CENPI: variants seen among roughly 807,000 people sequenced by gnomAD.
CENPI encodes centromere protein I.
In CENPI, 4 loss-of-function variants were observed where a neutral mutation model predicts 60.4. The observed-to-expected ratio is 0.07, with a 90% confidence interval of 0.03 to 0.15. The LOEUF is 0.15. Ranked by LOEUF, CENPI falls within the 10% of genes least tolerant of loss-of-function variation. CENPI has a pLI of 1.00. For missense variants in CENPI, 444 were observed against 534.5 expected (o/e 0.83, Z 1.67); for synonymous variants, 157 against 189.4 (o/e 0.83, Z 1.40).
In CENPI at chrX:101,128,761, C is replaced by T. The variant is rs1262734863; in HGVS notation, c.1120C>T (p.His374Tyr). ...GSVLNNSLLL[H>Y]YINCVRDEPV... ...AGTGCTAAACAACTCTCTGCTGCTT[C>T]ACTACATTAACTGTGTCAGAGATGA... The change falls in exon 12 of 22, where the codon CAC becomes TAC. Residue 374 changes from histidine (H) to tyrosine (Y), a missense_variant. Coordinates refer to ENST00000682095, the MANE Select transcript of CENPI (RefSeq NM_001386188.2). 1.7e-6 allele frequency: 2 copies of T among 1,208,135 alleles called. No individual in the cohort carries two copies. The highest frequency in any genetic ancestry group is 2.2e-6 in the Non-Finnish European group (2 of 892,219).
chrX:101,127,354 T>C (rs1465857908), intron 10 of CENPI, 88 bp downstream of exon 10: 16 of 983,386 alleles, frequency 1.6e-5, no homozygotes, highest in Non-Finnish European at 2.2e-5. Flanking sequence ...AGATTATAGA[T>C]ATTTAAGTAT....
At chrX:101,113,012 G>A (rs764491046) in intron 6 of CENPI, among the ~76,000 whole-genome samples, 1 of 106,739 alleles carries the variant, frequency 9.4e-6, no homozygotes, top group African/African-American at 3.4e-5. Flanking sequence ...TGGATTGACC[G>A]TAGTTTCTTT....
chrX:101,121,802 CT>C (rs746498873), intron 8 of CENPI, among the ~76,000 whole-genome samples: 8,194 of 79,393 alleles, frequency 0.1, 271 homozygotes, highest in Middle Eastern at 0.16. Context: ...TCTAGGAAAG[CT>C]TTTTTTTTTT....
chrX:101,111,650 C>T (rs1440614911), intron 6 of CENPI, among the ~76,000 whole-genome samples: 12 of 111,780 alleles, frequency 1.1e-4, no homozygotes, highest in Non-Finnish European at 1.7e-4. Context: ...CAAACAAAGT[C>T]CTCCTGCATG....
chrX:101,164,162 A>G lies in CENPI; in HGVS notation c.*1195A>G, dbSNP rs1351148920. 9.0e-6 allele frequency among the ~76,000 whole-genome samples: 1 copy of G among 111,290 alleles called. No homozygotes were observed. The highest frequency in any genetic ancestry group is 3.3e-5 in the African/African-American group (1 of 30,643). ...GGGGTTCTTTTTTTTCCCCATTTAA[A>G]AAACAAACCCTAAACTATATTATTG... On this transcript the variant is annotated 3_prime_UTR_variant, in exon 22 of 22. Transcript: ENST00000682095.
At position 101,146,139 on chromosome X, in the gene CENPI, A is replaced by G. The variant is rs2089959370; in HGVS notation, c.1702-14A>G. ...GAATACTCTGTATACTGATGTTATC[A>G]TTCTTCCTCCAAGGTGTGTGACATA... On this transcript the variant is annotated splice_polypyrimidine_tract_variant and intron_variant, in intron 17 of 21. Coordinates refer to ENST00000682095, the MANE Select transcript of CENPI (RefSeq NM_001386188.2). The G allele has an allele frequency of 8.4e-7, 1 of 1,195,280 alleles. No individual in the cohort carries two copies. The highest frequency in any genetic ancestry group is 1.7e-5 in the African/African-American group (1 of 57,371).
chrX:101,114,994 A>G (rs2089603169), intron 6 of CENPI, among the ~76,000 whole-genome samples: 1 of 107,341 alleles, frequency 9.3e-6, no homozygotes, highest in African/African-American at 3.4e-5. Context: ...ACAGAGTTTC[A>G]CTCTTGTCAC....
chrX:101,162,835 A>G lies in CENPI; in HGVS notation c.2139A>G (p.Gly713=). The change falls in exon 22 of 22, where the codon GGA becomes GGG. Residue 713 remains glycine (G), a splice_region_variant and synonymous_variant. Transcript: ENST00000682095. The part of the protein sequence containing the change: ...ERTVNVSSIR[G]KKWSWYLDYL... ...TTTTCCTTTTTCTGTGCCTGCAGGG[A>G]AAGAAATGGAGCTGGTATTTGGACT... is the stretch of plus-strand genomic sequence containing the variant. 3 of 1,210,531 alleles carry G rather than the reference A, an allele frequency of 2.5e-6. No homozygotes were observed. The highest frequency in any genetic ancestry group is 3.4e-6 in the Non-Finnish European group (3 of 894,681).
At position 101,165,837 on chromosome X, in the gene CENPI, T is replaced by C. The variant is rs1387802565; in HGVS notation, c.*2870T>C. Among the ~76,000 whole-genome samples the C allele has an allele frequency of 9.0e-6, 1 of 111,689 alleles. No individual in the cohort carries two copies. Among genetic ancestry groups the C allele is most frequent in the Non-Finnish European group, 1.9e-5 (1 of 53,163 alleles). ...AGGTAGTATTGAATGGTGTGAAATG[T>C]TACCTATATACCTGGAAAAAAGCAA... On this transcript the variant is annotated 3_prime_UTR_variant, in exon 22 of 22. Transcript: ENST00000682095.
Position 101,109,556 on chromosome X carries a change from T to C in CENPI, c.448T>C (p.Trp150Arg). 8.3e-7 allele frequency: 1 copy of C among 1,208,015 alleles called. No homozygotes were observed. Among genetic ancestry groups the C allele is most frequent in the Non-Finnish European group, 1.1e-6 (1 of 891,845 alleles). ...SEDSVVKAVS[W>R]LCVGKCSGST... The stretch of plus-strand genomic sequence containing the variant: ...AGATTCTGTGGTTAAGGCAGTCTCC[T>C]GGCTTTGTGTTGGCAAGTGTTCTGG... The change falls in exon 5 of 22, where the codon TGG (tryptophan) becomes CGG (arginine). Residue 150 changes from tryptophan to arginine, a missense_variant. Coordinates refer to ENST00000682095, the MANE Select transcript of CENPI (RefSeq NM_001386188.2).
In CENPI at chrX:101,104,962, A is replaced by C. The variant is rs185771882; in HGVS notation, c.364+2551A>C. ...ATTCCTTTGTTTATACCCTAGCAGC[A>C]TACTTGCAGGGGTGTGTGTGTATTT... On this transcript the variant is annotated intron_variant, in intron 4 of 21. Coordinates refer to ENST00000682095, the MANE Select transcript of CENPI (RefSeq NM_001386188.2). 4.6e-4 allele frequency among the ~76,000 whole-genome samples: 51 copies of C among 111,934 alleles called. 1 individual carries two copies. The East Asian group carries it at 0.011, about 24-fold the overall frequency.
intron 6 of CENPI, among the ~76,000 whole-genome samples, chrX:101,119,637 G>A (rs150905642): frequency 0.011 from 1,235 of 111,758 alleles, 14 homozygotes; most frequent in African/African-American, 0.038. Context: ...TCAACAGATG[G>A]ACACTGAAAA....
chrX:101,129,668 A>G (rs1569501132), intron 12 of CENPI, among the ~76,000 whole-genome samples: 2 of 112,194 alleles, frequency 1.8e-5, no homozygotes, highest in South Asian at 3.7e-4. Flanking sequence ...AAAACTTTCA[A>G]TTCAGATGTT....
intron 15 of CENPI, among the ~76,000 whole-genome samples, chrX:101,140,144 T>C (rs2089902054): frequency 8.9e-6 from 1 of 112,220 alleles, no homozygotes; most frequent in Non-Finnish European, 1.9e-5. Flanking sequence ...CCCATCATTG[T>C]ATGTTTTTGT....
In CENPI at chrX:101,131,973, G is replaced by A. The variant is rs185259594; in HGVS notation, c.1288-217G>A. ...ATTGATGAAGTTTTATGGTATTTGA[G>A]AACTGTATTGATAAAAATGGTAATG... On this transcript the variant is annotated intron_variant, in intron 13 of 21. Transcript: ENST00000682095. 5.3e-3 allele frequency among the ~76,000 whole-genome samples: 595 copies of A among 111,438 alleles called. 5 individuals are homozygous for A. The highest frequency in any genetic ancestry group is 0.018 in the African/African-American group (545 of 30,708).
rs2090138310 is a variant in CENPI, at chrX:101,165,014, T to TA, written c.*2053dup. On this transcript the variant is annotated 3_prime_UTR_variant, in exon 22 of 22. Transcript: ENST00000682095. The stretch of plus-strand genomic sequence containing the variant: ...GGGGAAAGAGCATTCTGGACAAAGG[T>TA]AAAAAACAAGTGAAAAGGCCCTAAA... Among the ~76,000 whole-genome samples, 1 of 111,268 alleles carries TA rather than the reference T, an allele frequency of 9.0e-6. No individual in the cohort carries two copies. Among genetic ancestry groups the TA allele is most frequent in the Non-Finnish European group, 1.9e-5 (1 of 53,028 alleles).
chrX:101,162,473 A>ATATATATAT (rs1556409814), intron 21 of CENPI, among the ~76,000 whole-genome samples: 4 of 68,108 alleles, frequency 5.9e-5, no homozygotes, highest in African/African-American at 2.8e-4. Flanking sequence ...AAAAAAAAAA[A>ATATATATAT]ATATATATAT....
At position 101,120,437 on chromosome X, in the gene CENPI, CA is replaced by C; in HGVS notation, c.633del (p.Glu212ArgfsTer8). On this transcript the variant is annotated frameshift_variant, in exon 7 of 22. Coordinates refer to ENST00000682095, the MANE Select transcript of CENPI (RefSeq NM_001386188.2). LOFTEE classifies it high-confidence loss of function. Reference sequence around the variant, plus strand: ...TTTGCCATTTGTTATATTTACTTACCAAAAAAGAGAATGGTGAGTATTTTCA... The same window carrying C: ...TTTGCCATTTGTTATATTTACTTACCAAAAAGAGAATGGTGAGTATTTTCA... ...YVCHLLYLLT[K>X]KENVKPFRVR... 8.3e-6 allele frequency: 8 copies of C among 960,437 alleles called. No homozygotes were observed. Among genetic ancestry groups the C allele is most frequent in the African/African-American group, 1.9e-5 (1 of 52,618 alleles). The allele number at this position is 960,437 out of a possible 1,213,427, so 79.2% of individuals were successfully genotyped here.
chrX:101,159,886 G>A (rs780142944), intron 20 of CENPI, among the ~76,000 whole-genome samples: 27 of 112,120 alleles, frequency 2.4e-4, no homozygotes, highest in Non-Finnish European at 4.5e-4. Context: ...TGAGAATCAA[G>A]TTCTGTTTGA....
Sources: gnomAD v4.1 joint callset for allele counts (sites outside exome capture counted in the v4.1 genomes callset) on GRCh38, gnomAD v4.1.1 for gene constraint, MANE v1.5 for transcripts, NCBI Gene and HGNC (gene_info 2026-07-23, HGNC 2026-07-21) for gene names.